STRAP: variants seen among roughly 807,000 people sequenced by gnomAD.
STRAP encodes serine/threonine kinase receptor associated protein.
Under a neutral mutation model 47.0 loss-of-function variants are expected in STRAP, and 16 were observed. The ratio of observed to expected loss-of-function variants is 0.34; its 90% CI spans 0.23 to 0.52. The LOEUF (loss-of-function observed/expected upper bound fraction) is 0.52, where lower values mean the gene tolerates loss of function less well. STRAP is among the 20% of genes least tolerant of loss of function. STRAP has a pLI of 0.96. For missense variants in STRAP, 293 were observed against 420.0 expected (o/e 0.70, Z 2.64); for synonymous variants, 130 against 142.7 (o/e 0.91, Z 0.63).
Position 15,882,592 on chromosome 12 carries a change from G to A in STRAP, c.-116G>A. ...ATTGCCCTTCTTTTCCTGTTGCCCA[G>A]CCCAGCCCTAGTGTCAGGGCGGGGG... On this transcript the variant is annotated 5_prime_UTR_variant, in exon 1 of 10. Coordinates refer to ENST00000419869, the MANE Select transcript of STRAP (RefSeq NM_007178.4). 2.4e-6 allele frequency: 2 copies of A among 845,560 alleles called. No individual in the cohort carries two copies. Among genetic ancestry groups the A allele is most frequent in the Non-Finnish European group, 3.7e-6 (2 of 536,334 alleles). The allele number at this position is 845,560 out of a possible 1,614,324, so 52.4% of individuals were successfully genotyped here. A position where few individuals can be genotyped will look rare whatever the true frequency, so the allele number is the denominator to read the frequency against.
rs1342550730 is a variant in STRAP, at chr12:15,890,035, G to A, written c.330+26G>A. ...GTATCAGAAAATGGAATTTATTTTA[G>A]CGAGTTAAGTTGCTGGTACATAGTG... On this transcript the variant is annotated intron_variant, in intron 3 of 9. Coordinates refer to ENST00000419869, the MANE Select transcript of STRAP (RefSeq NM_007178.4). The surrounding 1 kb of genome is among the most constrained non-coding windows in gnomAD (Gnocchi z 4.5). 3 of 1,605,002 alleles carry A rather than the reference G, an allele frequency of 1.9e-6. No homozygotes were observed. Among genetic ancestry groups the A allele is most frequent in the Admixed American group, 1.7e-5 (1 of 59,982 alleles).
chr12:15,893,323 A>G (rs1230211585), intron 4 of STRAP, among the ~76,000 whole-genome samples: 1 of 151,586 alleles, frequency 6.6e-6, no homozygotes, highest in African/African-American at 2.4e-5. Context: ...AGTTAGCCAT[A>G]GTACTGCAAT....
chr12:15,890,102 A>C lies in STRAP; in HGVS notation c.330+93A>C, dbSNP rs932607507. 4.5e-6 allele frequency: 5 copies of C among 1,100,222 alleles called. No individual in the cohort carries two copies. In the Admixed American group the frequency reaches 7.4e-5, roughly 16 times the overall value. 68.2% of individuals were successfully genotyped at this position (1,100,222 alleles called of 1,614,324 possible). On this transcript the variant is annotated intron_variant, in intron 3 of 9. Transcript: ENST00000419869. This position sits in a 1 kb window ranked among gnomAD's most constrained non-coding sequence, Gnocchi z 4.5. ...CTTGATTGGTGTGTATATTTGATTG[A>C]TATGTTTTGTGTGGAATATTTGTTA... is the stretch of plus-strand genomic sequence containing the variant.
intron 8 of STRAP, among the ~76,000 whole-genome samples, chr12:15,900,512 C>T (rs971413401): frequency 7.4e-5 from 11 of 149,200 alleles, no homozygotes; most frequent in East Asian, 3.9e-4. Context: ...GCAAGAGTGA[C>T]TCAGTCTCAA....
At chr12:15,892,492 G>C (rs1444541809) in intron 4 of STRAP, among the ~76,000 whole-genome samples, 1 of 152,016 alleles carries the variant, frequency 6.6e-6, no homozygotes, top group African/African-American at 2.4e-5. Context: ...GTATCTTTCA[G>C]ATTTTATTAT....
rs990264113 is a variant in STRAP at position 15,894,372 on chromosome 12, T to G, written c.500+229T>G. Reference sequence around the variant, plus strand: ...TACTCGGGAGGCCGAGGCAGGAGAATCACTTGAACCTGCGAGGCAGAGGTT... The same window carrying G: ...TACTCGGGAGGCCGAGGCAGGAGAAGCACTTGAACCTGCGAGGCAGAGGTT... On this transcript the variant is annotated intron_variant, in intron 5 of 9. Coordinates refer to ENST00000419869, the MANE Select transcript of STRAP (RefSeq NM_007178.4). The surrounding 1 kb of genome is among the most constrained non-coding windows in gnomAD (Gnocchi z 4.9). Among the ~76,000 whole-genome samples, 1 of 152,222 alleles carries G rather than the reference T, an allele frequency of 6.6e-6. No individual in the cohort carries two copies. The highest frequency in any genetic ancestry group is 2.4e-5 in the African/African-American group (1 of 41,454).
In STRAP at chr12:15,884,534, T is replaced by C. The variant is rs11056690; in HGVS notation, c.248+858T>C. On this transcript the variant is annotated intron_variant, in intron 2 of 9. Coordinates refer to ENST00000419869, the MANE Select transcript of STRAP (RefSeq NM_007178.4). ...TTTTTTTTTTTTTACTTTTTTACTA[T>C]ATATTTATATTTTATACTTTTTACT... 1.7e-3 allele frequency among the ~76,000 whole-genome samples: 263 copies of C among 151,424 alleles called. 6 individuals are homozygous for C. In the East Asian group the frequency reaches 0.048, roughly 28 times the overall value.
Position 15,890,932 on chromosome 12 carries a change from C to T in STRAP, c.403+263C>T, listed in dbSNP as rs773370315. On this transcript the variant is annotated intron_variant, in intron 4 of 9. Transcript: ENST00000419869. This position sits in a 1 kb window ranked among gnomAD's most constrained non-coding sequence, Gnocchi z 4.5. Reference sequence around the variant, plus strand: ...AAAATTAGCCAGGCATGGTGGCAGGCGCTTGTAATCCCAGCTACTTGGGAG... The same window carrying T: ...AAAATTAGCCAGGCATGGTGGCAGGTGCTTGTAATCCCAGCTACTTGGGAG... 3.3e-5 allele frequency among the ~76,000 whole-genome samples: 5 copies of T among 151,878 alleles called. No individual in the cohort carries two copies. Among genetic ancestry groups the T allele is most frequent in the African/African-American group, 4.8e-5 (2 of 41,322 alleles).
rs760497317 is a variant in STRAP at position 15,897,872 on chromosome 12, T to G, written c.639-10T>G. 2.7e-6 allele frequency: 4 copies of G among 1,500,970 alleles called. No homozygotes were observed. The African/African-American group carries it at 4.4e-5, about 16-fold the overall frequency. 93.0% of individuals were successfully genotyped at this position (1,500,970 alleles called of 1,614,324 possible). On this transcript the variant is annotated splice_polypyrimidine_tract_variant and intron_variant, in intron 6 of 9. Transcript: ENST00000419869. ...CAAGATTTGTAAATACTACTTAAAT[T>G]TTTTTTCAGTTTGGACCCAATTAAA...
At chr12:15,883,468 A>G in intron 1 of STRAP, 73 bp from the exon 2 acceptor site, 2 of 1,488,656 alleles carry the variant, frequency 1.3e-6, no homozygotes, top group South Asian at 2.5e-5. Context: ...ACATCATTGT[A>G]TATTTACATT....
Position 15,887,504 on chromosome 12 carries a change from A to T in STRAP, c.249-2424A>T, listed in dbSNP as rs1390283169. ...GAATAATACATTAGGAAACATTTAG[A>T]TTAGATCCATTTTAGGGCTCTTACT... On this transcript the variant is annotated intron_variant, in intron 2 of 9. Coordinates refer to ENST00000419869, the MANE Select transcript of STRAP (RefSeq NM_007178.4). The surrounding 1 kb of genome is among the most constrained non-coding windows in gnomAD (Gnocchi z 5.5). Among the ~76,000 whole-genome samples the T allele has an allele frequency of 6.6e-6, 1 of 152,204 alleles. No individual in the cohort carries two copies. Among genetic ancestry groups the T allele is most frequent in the Non-Finnish European group, 1.5e-5 (1 of 68,028 alleles).
chr12:15,900,819 A>C (rs1053968265), intron 8 of STRAP, 128 bp from the exon 9 acceptor site: 9 of 580,320 alleles, frequency 1.6e-5, no homozygotes, highest in Admixed American at 4.3e-5. Flanking sequence ...TTTAAAAAGG[A>C]GTTGTTTTTA....
At chr12:15,897,284 G>A (rs1948066880) in intron 6 of STRAP, among the ~76,000 whole-genome samples, 2 of 152,118 alleles carry the variant, frequency 1.3e-5, no homozygotes, top group Admixed American at 6.6e-5. Flanking sequence ...AACTGTAATT[G>A]AATTTCAGAT....
Position 15,883,520 on chromosome 12 carries a change from GT to G in STRAP, c.113-17del, listed in dbSNP as rs762897022. On this transcript the variant is annotated intron_variant, in intron 1 of 9. Coordinates refer to ENST00000419869, the MANE Select transcript of STRAP (RefSeq NM_007178.4). ...AGTAATCTGAACTTATAAATTACATGTTTTAAAAAATATTTTCTAGATGGTA... is the reference window on the plus strand; with the variant it reads ...AGTAATCTGAACTTATAAATTACATGTTTAAAAAATATTTTCTAGATGGTA... The G allele has an allele frequency of 3.7e-6, 6 of 1,604,408 alleles. No homozygotes were observed.
rs1948052464 is a variant in STRAP at position 15,895,490 on chromosome 12, C to T, written c.632C>T (p.Ala211Val). Residue 211 changes from alanine (A) to valine (V), a missense_variant, in exon 6 of 10, where the codon GCA (alanine) becomes GTA (valine). Physicochemically the swap from Ala to Val is moderately conservative, Grantham distance 64. Coordinates refer to ENST00000419869, the MANE Select transcript of STRAP (RefSeq NM_007178.4). ...TYGRSIAFHSAVSLDPIKSFE... is the reference protein window; with the variant it reads ...TYGRSIAFHSVVSLDPIKSFE... Reference sequence around the variant, plus strand: ...GGACGATCTATTGCTTTTCATAGTGCAGTAAGGTATGTCCAAGAAATACTT... The same window carrying T: ...GGACGATCTATTGCTTTTCATAGTGTAGTAAGGTATGTCCAAGAAATACTT... The T allele has an allele frequency of 6.3e-7, 1 of 1,596,022 alleles. No homozygotes were observed. Among genetic ancestry groups the T allele is most frequent in the African/African-American group, 1.4e-5 (1 of 73,666 alleles).
chr12:15,901,228 A>C (rs772723709), intron 9 of STRAP, among the ~76,000 whole-genome samples: 1 of 152,216 alleles, frequency 6.6e-6, no homozygotes, highest in African/African-American at 2.4e-5. Flanking sequence ...TGTAGTATGG[A>C]CACAACCGAT....
chr12:15,888,366 G>C (rs973693705), intron 2 of STRAP, among the ~76,000 whole-genome samples: 1 of 152,142 alleles, frequency 6.6e-6, no homozygotes, highest in South Asian at 2.1e-4. Flanking sequence ...AGTAGATTGG[G>C]GCCAGAGAGT....
rs1948009407 is a variant in STRAP, at chr12:15,890,870, G to A, written c.403+201G>A. ...AGGTCAGGAGTTCGAGACCAGCCTGGCCAACATGGCAAAACCCCGTCTCTA... is the reference window on the plus strand; with the variant it reads ...AGGTCAGGAGTTCGAGACCAGCCTGACCAACATGGCAAAACCCCGTCTCTA... On this transcript the variant is annotated intron_variant, in intron 4 of 9. Transcript: ENST00000419869. This position sits in a 1 kb window ranked among gnomAD's most constrained non-coding sequence, Gnocchi z 4.5. Among the ~76,000 whole-genome samples, 1 of 152,062 alleles carries A rather than the reference G, an allele frequency of 6.6e-6. No homozygotes were observed. The highest frequency in any genetic ancestry group is 1.5e-5 in the Non-Finnish European group (1 of 68,002).
chr12:15,891,639 A>T (rs1948015546), intron 4 of STRAP, among the ~76,000 whole-genome samples: 1 of 152,208 alleles, frequency 6.6e-6, no homozygotes, highest in South Asian at 2.1e-4. Context: ...TGGGACAAAG[A>T]GGAGTGGAAT....
Sources: gnomAD v4.1 joint callset for allele counts (sites outside exome capture counted in the v4.1 genomes callset) on GRCh38, gnomAD v4.1.1 for gene constraint, Gnocchi (gnomAD v3.1) non-coding constraint, MANE v1.5 for transcripts, NCBI Gene and HGNC (gene_info 2026-07-23, HGNC 2026-07-21) for gene names.